NCAM2: variants seen among roughly 807,000 people sequenced by gnomAD.
NCAM2 encodes neural cell adhesion molecule 2, also known as N-CAM-2.
In NCAM2, 30 loss-of-function variants were observed where a neutral mutation model predicts 98.1. The observed-to-expected ratio is 0.31, with a 90% CI of 0.23 to 0.41. NCAM2 has a LOEUF of 0.41. NCAM2 is among the 10% of genes least tolerant of loss of function. The probability of loss-of-function intolerance (pLI) is 1.00; values close to 1 mark genes in which losing one functional copy is unlikely to be tolerated. For missense variants in NCAM2, 867 were observed against 1,005.8 expected, an observed-to-expected ratio of 0.86 and a Z score of 1.87; for synonymous variants, 368 against 342.4, an observed-to-expected ratio of 1.07 and a Z score of -0.83.
intron 1 of NCAM2, among the ~76,000 whole-genome samples, chr21:21,109,159 A>C (rs975444140): frequency 6.6e-6 from 1 of 152,168 alleles, no homozygotes; most frequent in Non-Finnish European, 1.5e-5. Flanking sequence ...GGGGAAAAAA[A>C]TCTTGGCTTT....
At chr21:21,402,511 G>A (rs2076653800) in intron 9 of NCAM2, among the ~76,000 whole-genome samples, 1 of 152,120 alleles carries the variant, frequency 6.6e-6, no homozygotes, top group Admixed American at 6.6e-5. Context: ...TACGTGCAAT[G>A]CTGAACATAG....
intron 1 of NCAM2, among the ~76,000 whole-genome samples, chr21:21,164,531 C>CA (rs1306855849): frequency 6.6e-6 from 1 of 152,040 alleles, no homozygotes; most frequent in Non-Finnish European, 1.5e-5. Flanking sequence ...CAGAAGTTAG[C>CA]AGTTATCAAA....
chr21:21,060,942 A>G (rs1292554961), intron 1 of NCAM2, among the ~76,000 whole-genome samples: 1 of 152,166 alleles, frequency 6.6e-6, no homozygotes, highest in African/African-American at 2.4e-5. Flanking sequence ...CTAAGAAGAA[A>G]GGAAGAAGCC....
intron 1 of NCAM2, among the ~76,000 whole-genome samples, chr21:21,071,363 C>T (rs1209732916): frequency 6.6e-6 from 1 of 152,012 alleles, no homozygotes; most frequent in South Asian, 2.1e-4. Context: ...TTATTGATGA[C>T]CCAAACTCTA....
At chr21:21,237,927 T>G (rs1320347672) in intron 1 of NCAM2, among the ~76,000 whole-genome samples, 2 of 150,770 alleles carry the variant, frequency 1.3e-5, no homozygotes, top group East Asian at 2.0e-4. Context: ...CTTTGTTAAA[T>G]TTTGTCCAGG....
intron 15 of NCAM2, among the ~76,000 whole-genome samples, chr21:21,478,893 C>T (rs964448074): frequency 3.3e-5 from 5 of 152,108 alleles, no homozygotes; most frequent in African/African-American, 1.2e-4. Flanking sequence ...TACAAGATAA[C>T]ACATCTAAAT....
At chr21:21,266,571 G>A (rs947650961) in intron 1 of NCAM2, among the ~76,000 whole-genome samples, 3 of 152,048 alleles carry the variant, frequency 2.0e-5, no homozygotes, top group Non-Finnish European at 4.4e-5. Flanking sequence ...GTCCTTTGTA[G>A]GGACATGGAT....
At chr21:21,263,874 TTAAATA>T (rs1327069935) in intron 1 of NCAM2, among the ~76,000 whole-genome samples, 11 of 152,108 alleles carry the variant, frequency 7.2e-5, no homozygotes, top group African/African-American at 2.4e-4. Context: ...AATTAAGGAC[TTAAATA>T]TAAAGTCCAA....
Position 21,387,441 on chromosome 21 carries a change from T to C in NCAM2, c.1195+13428T>C, listed in dbSNP as rs232431. Among the ~76,000 whole-genome samples the C allele has an allele frequency of 6.7e-3, 1,019 of 151,974 alleles. 11 individuals are homozygous for C. Among genetic ancestry groups the C allele is most frequent in the African/African-American group, 0.023 (943 of 41,428 alleles). On this transcript the variant is annotated intron_variant, in intron 9 of 17. Coordinates refer to ENST00000400546, the MANE Select transcript of NCAM2 (RefSeq NM_004540.5). ...GAAGACACCTCATGGATAGGACAAGTACAGAATTTCCACAGCGTGAGGGGA... is the reference window on the plus strand; with the variant it reads ...GAAGACACCTCATGGATAGGACAAGCACAGAATTTCCACAGCGTGAGGGGA...
At chr21:21,242,957 G>A (rs568608035) in intron 1 of NCAM2, among the ~76,000 whole-genome samples, 1 of 152,166 alleles carries the variant, frequency 6.6e-6, no homozygotes, top group Non-Finnish European at 1.5e-5. Context: ...AACATATAGG[G>A]AAAGATAATT....
chr21:20,999,947 C>T (rs2063988955), intron 1 of NCAM2, among the ~76,000 whole-genome samples: 1 of 152,160 alleles, frequency 6.6e-6, no homozygotes, highest in South Asian at 2.1e-4. Context: ...ATTTAATGTT[C>T]AGAAATCAGT....
At chr21:21,017,448 A>AAAAG (rs2064335526) in intron 1 of NCAM2, among the ~76,000 whole-genome samples, 2 of 150,056 alleles carry the variant, frequency 1.3e-5, no homozygotes, top group Non-Finnish European at 3.0e-5. Context: ...AAAAAAAAAA[A>AAAAG]GAAATAGAAA....
At chr21:21,179,596 C>G (rs1295176171) in intron 1 of NCAM2, among the ~76,000 whole-genome samples, 1 of 152,128 alleles carries the variant, frequency 6.6e-6, no homozygotes, top group African/African-American at 2.4e-5. Flanking sequence ...AGAAGTCATC[C>G]TCGTAGTGTC....
At chr21:21,282,623 A>G (rs1486608217) in intron 2 of NCAM2, among the ~76,000 whole-genome samples, 1 of 151,806 alleles carries the variant, frequency 6.6e-6, no homozygotes, top group Non-Finnish European at 1.5e-5. Context: ...CGCCTTAAAA[A>G]TACAAAATCT....
At chr21:21,060,691 G>GA (rs1359612742) in intron 1 of NCAM2, among the ~76,000 whole-genome samples, 1 of 152,158 alleles carries the variant, frequency 6.6e-6, no homozygotes, top group East Asian at 1.9e-4. Flanking sequence ...TGGTGGGGAT[G>GA]TGAGTAGCAT....
rs2075977181 is a variant in NCAM2 at position 21,373,986 on chromosome 21, C to G, written c.1168C>G (p.Gln390Glu). The G allele has an allele frequency of 6.2e-7, 1 of 1,610,294 alleles. No homozygotes were observed. The highest frequency in any genetic ancestry group is 1.1e-5 in the South Asian group (1 of 90,854). The change falls in exon 9 of 18, where the codon CAA (glutamine) becomes GAA (glutamate). Residue 390 changes from glutamine (Q) to glutamate (E), a missense_variant. Physicochemically the swap from Gln to Glu is conservative, Grantham distance 29. Coordinates refer to ENST00000400546, the MANE Select transcript of NCAM2 (RefSeq NM_004540.5). The stretch of plus-strand genomic sequence containing the variant: ...AGCTGCAAGCAGAATTGGAGGGCAT[C>G]AAAAGAGCATGTACCTTGATATTGA... ...CEAASRIGGH[Q>E]KSMYLDIEYA...
intron 1 of NCAM2, among the ~76,000 whole-genome samples, chr21:21,191,087 G>A (rs2146964284): frequency 6.6e-6 from 1 of 152,168 alleles, no homozygotes; most frequent in East Asian, 1.9e-4. Flanking sequence ...TATAAATTGA[G>A]GCCATGTGAG....
At chr21:21,127,080 G>C (rs908794548) in intron 1 of NCAM2, among the ~76,000 whole-genome samples, 13 of 151,820 alleles carry the variant, frequency 8.6e-5, no homozygotes, top group Non-Finnish European at 1.8e-4. Context: ...ATAAGAATCT[G>C]TCATAATGTA....
At chr21:21,372,357 G>C (rs1458965941) in intron 8 of NCAM2, among the ~76,000 whole-genome samples, 1 of 151,548 alleles carries the variant, frequency 6.6e-6, no homozygotes, top group Non-Finnish European at 1.5e-5. Flanking sequence ...CAGAGAGTGC[G>C]TTTTTGTAAA....
Sources: gnomAD v4.1 joint callset for allele counts (sites outside exome capture counted in the v4.1 genomes callset) on GRCh38, gnomAD v4.1.1 for gene constraint, MANE v1.5 for transcripts, NCBI Gene and HGNC (gene_info 2026-07-23, HGNC 2026-07-21) for gene names.